The following PLEKHM1 variants were observed in gnomAD, a reference collection of about 807,000 sequenced individuals.
PLEKHM1 encodes pleckstrin homology domain-containing family M member 1.
Under a neutral mutation model 94.3 loss-of-function variants are expected in PLEKHM1, and 28 were observed. The ratio of observed to expected loss-of-function variants is 0.30; its 90% CI spans 0.22 to 0.41. The LOEUF (loss-of-function observed/expected upper bound fraction) is 0.41, where lower values mean the gene tolerates loss of function less well. PLEKHM1 is among the 10% of genes least tolerant of loss of function. The pLI is 1.00. For missense variants in PLEKHM1, 907 were observed against 1,358.6 expected (o/e 0.67, Z 5.22); for synonymous variants, 424 against 581.2 (o/e 0.73, Z 3.89).
At chr17:45,472,946 A>G (rs1301191553) in intron 4 of PLEKHM1, among the ~76,000 whole-genome samples, 1 of 152,206 alleles carries the variant, frequency 6.6e-6, no homozygotes, top group Non-Finnish European at 1.5e-5. Flanking sequence ...CCGCTGATGC[A>G]GCATGGATCC....
At chr17:45,439,454 G>A (rs759924182) in intron 11 of PLEKHM1, 23 bp downstream of exon 11, 13 of 1,613,718 alleles carry the variant, frequency 8.1e-6, no homozygotes, top group South Asian at 4.4e-5. Flanking sequence ...GCTGGAAGGC[G>A]GCTGGCTGGG....
rs762018721 is a variant in PLEKHM1 at position 45,453,566 on chromosome 17, G to A, written c.2286C>T (p.Ala762=). Reference sequence around the variant, plus strand: ...GATCCCTCCACAGGGCGGCTTCCTCGGCGTTTCCGGCCTGCAGCTTCAGGA... The same window carrying A: ...GATCCCTCCACAGGGCGGCTTCCTCAGCGTTTCCGGCCTGCAGCTTCAGGA... ...KAVLKLQAGN[A]EEAALWRDLV... The change falls in exon 7 of 12, where the codon GCC becomes GCT. Residue 762 remains alanine (A), a synonymous_variant. Coordinates refer to ENST00000430334, the MANE Select transcript of PLEKHM1 (RefSeq NM_014798.3). This position sits in a 1 kb window ranked among gnomAD's most constrained non-coding sequence, Gnocchi z 4.1. The A allele has an allele frequency of 1.0e-4, 165 of 1,598,942 alleles. No homozygotes were observed. The highest frequency in any genetic ancestry group is 1.4e-4 in the South Asian group (13 of 89,716).
chr17:45,443,930 G>A (rs1467390159), intron 9 of PLEKHM1, among the ~76,000 whole-genome samples: 1 of 152,116 alleles, frequency 6.6e-6, no homozygotes, highest in Non-Finnish European at 1.5e-5. Flanking sequence ...CCCACATGGT[G>A]GTCCCTGGAA....
At chr17:45,439,747 G>T in intron 10 of PLEKHM1, 113 bp from the exon 11 acceptor site, 1 of 1,391,166 alleles carries the variant, frequency 7.2e-7, no homozygotes, top group Non-Finnish European at 1.0e-6. Flanking sequence ...ATGGCACCCT[G>T]CCTGGAGAAC....
intron 8 of PLEKHM1, chr17:45,446,045 C>T (rs1264667815): frequency 2.9e-6 from 1 of 342,048 alleles, no homozygotes; most frequent in Non-Finnish European, 5.5e-6. Flanking sequence ...AACAGGCACT[C>T]CCTTCTGTGC....
chr17:45,460,214 T>C (rs1298455561), intron 5 of PLEKHM1: 5 of 152,212 alleles, frequency 3.3e-5, no homozygotes, highest in Admixed American at 2.6e-4. Context: ...AGATTCTTCC[T>C]TAGATTCTCC....
chr17:45,481,867 G>T (rs1246302286), intron 2 of PLEKHM1, among the ~76,000 whole-genome samples: 1 of 152,124 alleles, frequency 6.6e-6, no homozygotes. Flanking sequence ...GCCATCTCAG[G>T]ATGCTGCTAA....
intron 5 of PLEKHM1, among the ~76,000 whole-genome samples, chr17:45,462,186 G>A (rs2051171479): frequency 6.6e-6 from 1 of 152,184 alleles, no homozygotes; most frequent in Admixed American, 6.5e-5. Flanking sequence ...AACTTGAGGG[G>A]TAGCTCACAG....
At chr17:45,439,923 ACT>A (rs1307831681) in intron 10 of PLEKHM1, 1 of 634,362 alleles carries the variant, frequency 1.6e-6, no homozygotes, top group Non-Finnish European at 2.8e-6. Flanking sequence ...AGTATTCCAA[ACT>A]CTCTTCCCTG....
At chr17:45,442,080 G>A (rs931007501) in intron 9 of PLEKHM1, among the ~76,000 whole-genome samples, 7 of 152,172 alleles carry the variant, frequency 4.6e-5, no homozygotes, top group Non-Finnish European at 8.8e-5. Context: ...GAGGTCTGGT[G>A]GGTGGACAGG....
intron 5 of PLEKHM1, among the ~76,000 whole-genome samples, chr17:45,461,579 G>T (rs1486719915): frequency 6.6e-6 from 1 of 152,150 alleles, no homozygotes; most frequent in Non-Finnish European, 1.5e-5. Context: ...TGTAAGGAAG[G>T]GGTGTTATTA....
At chr17:45,469,699 T>C (rs1313432757) in intron 4 of PLEKHM1, among the ~76,000 whole-genome samples, 6 of 152,340 alleles carry the variant, frequency 3.9e-5, no homozygotes, top group Admixed American at 3.3e-4. Context: ...GTCTTTCCAG[T>C]GAGCTCTGCA....
chr17:45,440,081 C>G lies in PLEKHM1; in HGVS notation c.2901+82G>C, dbSNP rs762412850. 5 of 1,282,928 alleles carry G rather than the reference C, an allele frequency of 3.9e-6. No individual in the cohort carries two copies. The African/African-American group carries it at 4.4e-5, about 11-fold the overall frequency. The allele number at this position is 1,282,928 out of a possible 1,614,324, so 79.5% of individuals were successfully genotyped here. On this transcript the variant is annotated intron_variant, in intron 10 of 11. Coordinates refer to ENST00000430334, the MANE Select transcript of PLEKHM1 (RefSeq NM_014798.3). ...GTCTTCTTCAGTAAACTACAGACAC[C>G]CCCTCTTCCATCTTCCTTGCTGACT...
chr17:45,436,235 G>A lies in PLEKHM1; in HGVS notation c.*1623C>T, dbSNP rs1338648439. 4 of 454,226 alleles carry A rather than the reference G, an allele frequency of 8.8e-6. No homozygotes were observed. The highest frequency in any genetic ancestry group is 6.9e-5 in the East Asian group (1 of 14,398). The allele number at this position is 454,226 out of a possible 1,614,324, so 28.1% of individuals were successfully genotyped here. ...GCCCACTCAGGGATGGGGCAATGAGGGCTCTGACTAGGCTGGGCTTGTGGT... is the reference window on the plus strand; with the variant it reads ...GCCCACTCAGGGATGGGGCAATGAGAGCTCTGACTAGGCTGGGCTTGTGGT... On this transcript the variant is annotated 3_prime_UTR_variant, in exon 12 of 12. Coordinates refer to ENST00000430334, the MANE Select transcript of PLEKHM1 (RefSeq NM_014798.3).
At chr17:45,486,060 C>CA (rs553932438) in intron 1 of PLEKHM1, among the ~76,000 whole-genome samples, 2,045 of 142,832 alleles carry the variant, frequency 0.014, 41 homozygotes, top group African/African-American at 0.049. Flanking sequence ...ACTAAAAATA[C>CA]AAAAAAATTA....
rs1232395978 is a variant in PLEKHM1 at position 45,467,541 on chromosome 17, G to T, written c.1308+668C>A. ...TGCCTGTAATCCCAGCACTTCAGGA[G>T]GCCCAGGCAAGAAGATCGAGACCAG... On this transcript the variant is annotated intron_variant, in intron 5 of 11. Transcript: ENST00000430334. 5.9e-5 allele frequency among the ~76,000 whole-genome samples: 9 copies of T among 152,064 alleles called. No individual in the cohort carries two copies. In the South Asian group the frequency reaches 1.2e-3, roughly 21 times the overall value.
At chr17:45,448,441 T>C (rs1472886046) in intron 8 of PLEKHM1, among the ~76,000 whole-genome samples, 2 of 152,230 alleles carry the variant, frequency 1.3e-5, no homozygotes, top group African/African-American at 4.8e-5. Context: ...CAGGACTACA[T>C]AGCTGGCAGG....
At position 45,437,859 on chromosome 17, in the gene PLEKHM1, C is replaced by A; in HGVS notation, c.3170G>T (p.Ter1057LeuextTer122). 1.9e-6 allele frequency: 3 copies of A among 1,612,790 alleles called. No homozygotes were observed. The highest frequency in any genetic ancestry group is 2.5e-6 in the Non-Finnish European group (3 of 1,178,924). The change falls in exon 12 of 12, where the codon TGA becomes TTA. Residue 1057 changes from the stop codon to leucine (L), a stop_lost. Transcript: ENST00000430334. The surrounding 1 kb of genome is among the most constrained non-coding windows in gnomAD (Gnocchi z 4.0). ...CAGAGCGGGGTCAGCAGATGGGCAT[C>A]AGGCGAAAATGTTCTGTTCCTGGTA... ...RKYQEQNIFA* is the reference protein window; with the variant it reads ...RKYQEQNIFAL
At position 45,444,565 on chromosome 17, in the gene PLEKHM1, A is replaced by G. The variant is rs1038954794; in HGVS notation, c.2837+905T>C. Reference sequence around the variant, plus strand: ...CATGGGCCAGACGACTGGCTGGTACAGGGAAGAGATGGGAACATCTGGCCC... The same window carrying G: ...CATGGGCCAGACGACTGGCTGGTACGGGGAAGAGATGGGAACATCTGGCCC... On this transcript the variant is annotated intron_variant, in intron 9 of 11. Transcript: ENST00000430334. This position sits in a 1 kb window ranked among gnomAD's most constrained non-coding sequence, Gnocchi z 5.0. Among the ~76,000 whole-genome samples, 4 of 152,178 alleles carry G rather than the reference A, an allele frequency of 2.6e-5. No individual in the cohort carries two copies. The highest frequency in any genetic ancestry group is 2.4e-5 in the African/African-American group (1 of 41,446).
Sources: allele counts gnomAD v4.1 joint callset (sites outside exome capture counted in the v4.1 genomes callset), GRCh38; gene constraint gnomAD v4.1.1; non-coding constraint Gnocchi (gnomAD v3.1); transcripts MANE v1.5; gene names NCBI Gene and HGNC (gene_info 2026-07-23, HGNC 2026-07-21).